DOCK9: variants seen among roughly 807,000 people sequenced by gnomAD.
The protein encoded by DOCK9 is dedicator of cytokinesis protein 9.
Under a neutral mutation model 263.3 loss-of-function variants are expected in DOCK9, and 89 were observed. The ratio of observed to expected loss-of-function variants is 0.34; its 90% confidence interval spans 0.28 to 0.40. The LOEUF (loss-of-function observed/expected upper bound fraction) is 0.40. DOCK9 is among the 10% of genes least tolerant of loss of function. The pLI, the probability that DOCK9 is intolerant of heterozygous loss-of-function variation, is 1.00. For missense variants in DOCK9, 2,140 were observed against 2,603.4 expected (o/e 0.82, Z 3.87); for synonymous variants, 976 against 973.1 (o/e 1.00, Z -0.06).
chr13:98,857,147 G>C (rs1260963523), intron 33 of DOCK9: 1 of 152,282 alleles, frequency 6.6e-6, no homozygotes, highest in East Asian at 1.9e-4. Context: ...CAGCGGAAAG[G>C]CCTGGCTGGT....
rs532480866 is a variant in DOCK9, at chr13:98,925,535, G to A, written c.416+302C>T. On this transcript the variant is annotated intron_variant, in intron 4 of 52. Transcript: ENST00000682017. ...CTGCAGCATATTTCAGTACACTTAC[G>A]TTTTGTTTGTTTTATATTTTGTAGT... Among the ~76,000 whole-genome samples the A allele has an allele frequency of 2.5e-3, 386 of 152,050 alleles. 3 individuals are homozygous for A. Among genetic ancestry groups the A allele is most frequent in the African/African-American group, 8.9e-3 (370 of 41,460 alleles).
At chr13:99,037,508 G>A (rs755361608) in intron 1 of DOCK9, among the ~76,000 whole-genome samples, 2 of 152,092 alleles carry the variant, frequency 1.3e-5, no homozygotes, top group Non-Finnish European at 2.9e-5. Flanking sequence ...ATACTCTGCC[G>A]GTGGAAATAT....
At chr13:98,846,113 A>G (rs545164987) in intron 37 of DOCK9, 53 bp from the exon 38 acceptor site, 16 of 1,540,788 alleles carry the variant, frequency 1.0e-5, no homozygotes, top group African/African-American at 8.2e-5. Flanking sequence ...GTTACACTGC[A>G]GCGAGACGGG....
At chr13:98,797,621 A>T in intron 50 of DOCK9, 132 bp from the exon 51 acceptor site, 1 of 722,654 alleles carries the variant, frequency 1.4e-6, no homozygotes, top group East Asian at 2.7e-5. Context: ...CCAGGAACTT[A>T]AGCCCAAAAA....
chr13:98,824,747 T>C (rs1165506811), intron 44 of DOCK9, among the ~76,000 whole-genome samples: 1 of 152,232 alleles, frequency 6.6e-6, no homozygotes, highest in East Asian at 1.9e-4. Flanking sequence ...TATTAAAATG[T>C]ATGCAATCTC....
chr13:98,861,605 A>G, intron 32 of DOCK9, among the ~76,000 whole-genome samples: 1 of 152,216 alleles, frequency 6.6e-6, no homozygotes, highest in East Asian at 1.9e-4. Context: ...GCCTTTTGCA[A>G]CTGAAATGTG....
chr13:99,020,510 G>A (rs1386542493), intron 1 of DOCK9, among the ~76,000 whole-genome samples: 1 of 152,170 alleles, frequency 6.6e-6, no homozygotes, highest in African/African-American at 2.4e-5. Flanking sequence ...CAGCCATGCA[G>A]CCTGAGACCA....
chr13:98,813,313 T>C (rs1389630826), intron 45 of DOCK9, among the ~76,000 whole-genome samples: 1 of 152,224 alleles, frequency 6.6e-6, no homozygotes, highest in Admixed American at 6.5e-5. Flanking sequence ...GGCAAAGCAT[T>C]CAGTCTTTCA....
At chr13:99,073,873 C>A (rs796714861) in intron 1 of DOCK9, among the ~76,000 whole-genome samples, 1 of 152,232 alleles carries the variant, frequency 6.6e-6, no homozygotes, top group South Asian at 2.1e-4. Context: ...AGAACTGCTT[C>A]TCCTGTTATC....
chr13:98,872,525 G>A lies in DOCK9; in HGVS notation c.2944-4148C>T, dbSNP rs566654342. Among the ~76,000 whole-genome samples the A allele has an allele frequency of 9.9e-5, 15 of 152,178 alleles. No individual in the cohort carries two copies. The South Asian group carries it at 3.1e-3, about 32-fold the overall frequency. On this transcript the variant is annotated intron_variant, in intron 27 of 52. Coordinates refer to ENST00000682017, the MANE Select transcript of DOCK9 (RefSeq NM_001366683.2). ...GGGCTCAAGCAATCGTCTCACCTCAGTCTCCTGAGTAGCCGGGATAACAGG... is the reference window on the plus strand; with the variant it reads ...GGGCTCAAGCAATCGTCTCACCTCAATCTCCTGAGTAGCCGGGATAACAGG...
intron 9 of DOCK9, among the ~76,000 whole-genome samples, chr13:98,909,337 C>T (rs2049632984): frequency 6.6e-6 from 1 of 152,116 alleles, no homozygotes; most frequent in African/African-American, 2.4e-5. Flanking sequence ...ACCAAACATT[C>T]AAGAGTTTCC....
At chr13:98,854,173 G>GC (rs2093643703) in intron 34 of DOCK9, among the ~76,000 whole-genome samples, 1 of 151,992 alleles carries the variant, frequency 6.6e-6, no homozygotes, top group African/African-American at 2.4e-5. Flanking sequence ...ACGTCAGAAA[G>GC]CTTGGGGCAA....
intron 21 of DOCK9, 84 bp from the exon 22 acceptor site, chr13:98,883,983 G>A: frequency 1.0e-6 from 1 of 954,282 alleles, no homozygotes; most frequent in South Asian, 1.7e-5. Context: ...TAATGATGAG[G>A]GACTGAAAGA....
upstream of DOCK9, among the ~76,000 whole-genome samples, chr13:98,979,827 T>A (rs1475200040): frequency 6.6e-6 from 1 of 152,144 alleles, no homozygotes; most frequent in Non-Finnish European, 1.5e-5. Flanking sequence ...CTTAGGAATG[T>A]CCTACAAATC....
intron 38 of DOCK9, chr13:98,845,438 G>A (rs951450866): frequency 5.2e-6 from 6 of 1,149,440 alleles, no homozygotes; most frequent in Non-Finnish European, 7.0e-6. Flanking sequence ...ATTGATTCAT[G>A]GGCTTTATGT....
Position 98,911,757 on chromosome 13 carries a change from C to T in DOCK9, c.960+2571G>A, listed in dbSNP as rs550091612. Among the ~76,000 whole-genome samples, 3 of 151,218 alleles carry T rather than the reference C, an allele frequency of 2.0e-5. No individual in the cohort carries two copies. The East Asian group carries it at 5.9e-4, about 30-fold the overall frequency. ...ACTAGAAATACAAAAATTAGCTAGG[C>T]ATGGTGGCAGGTGCCACCAAAATAA... On this transcript the variant is annotated intron_variant, in intron 9 of 52. Coordinates refer to ENST00000682017, the MANE Select transcript of DOCK9 (RefSeq NM_001366683.2).
Position 98,805,156 on chromosome 13 carries a change from G to A in DOCK9, c.5568C>T (p.Val1856=). 1 of 1,608,352 alleles carries A rather than the reference G, an allele frequency of 6.2e-7. No individual in the cohort carries two copies. Among genetic ancestry groups the A allele is most frequent in the Admixed American group, 1.7e-5 (1 of 59,418 alleles). Residue 1856 remains valine (V), a synonymous_variant, in exon 49 of 53, where the codon GTC becomes GTT. Coordinates refer to ENST00000682017, the MANE Select transcript of DOCK9 (RefSeq NM_001366683.2). ...ACTCTTTTTCGTCAAAGAAGGGGAT[G>A]ACGTGAGTCACCTGGATGTATGCAT... is the stretch of plus-strand genomic sequence containing the variant. ...SKYAYIQVTH[V]IPFFDEKELQ... is the part of the protein sequence containing the mutation.
At chr13:99,070,743 G>A (rs1157837700) in intron 1 of DOCK9, among the ~76,000 whole-genome samples, 1 of 152,198 alleles carries the variant, frequency 6.6e-6, no homozygotes, top group Admixed American at 6.5e-5. Flanking sequence ...CTGAACCCAA[G>A]TTCTCATGCA....
In DOCK9 at chr13:98,915,511, G is replaced by T; in HGVS notation, c.718-8C>A. 6.3e-7 allele frequency: 1 copy of T among 1,595,690 alleles called. No homozygotes were observed. On this transcript the variant is annotated splice_polypyrimidine_tract_variant and splice_region_variant and intron_variant, in intron 7 of 52. Transcript: ENST00000682017. ...ACGCCTGACTTTGTTGTTCTGAAAT[G>T]AAAAAAGGATAAACAGACATACTTT...
Sources: gnomAD v4.1 joint callset for allele counts (sites outside exome capture counted in the v4.1 genomes callset) on GRCh38, gnomAD v4.1.1 for gene constraint, MANE v1.5 for transcripts, NCBI Gene and HGNC (gene_info 2026-07-23, HGNC 2026-07-21) for gene names.